Variants in EFCAB8 observed in about 807,000 individuals in gnomAD.
EFCAB8 encodes EF-hand calcium binding domain 8.
Under a neutral mutation model 116.3 loss-of-function variants are expected in EFCAB8, and 100 were observed. That is an observed-to-expected ratio of 0.86 (90% CI 0.73 to 1.02). EFCAB8 has a LOEUF of 1.02. EFCAB8 is among the 50% of genes least tolerant of loss of function. The pLI, the probability that EFCAB8 is intolerant of heterozygous loss-of-function variation, is 0.00. For missense variants in EFCAB8, 1,320 were observed against 1,416.9 expected (o/e 0.93, Z 1.10); for synonymous variants, 558 against 567.9 (o/e 0.98, Z 0.25).
At chr20:32,879,307 C>T (rs1309629208) in intron 5 of EFCAB8, among the ~76,000 whole-genome samples, 2 of 152,172 alleles carry the variant, frequency 1.3e-5, no homozygotes, top group African/African-American at 2.4e-5. Context: ...TGGCTGGCCC[C>T]GGGAGTAGGT....
In EFCAB8 at chr20:32,881,045, A is replaced by G. The variant is rs1985309856; in HGVS notation, c.431+2238A>G. Among the ~76,000 whole-genome samples the G allele has an allele frequency of 2.0e-5, 3 of 152,168 alleles. 1 individual carries two copies. The East Asian group carries it at 5.8e-4, about 29-fold the overall frequency. ...TAGTCATTAATAATTCATCCCATCC[A>G]TCATAGTATATGAATGTCTCCCAGG... On this transcript the variant is annotated intron_variant, in intron 5 of 26. Transcript: ENST00000400522.
chr20:32,887,530 G>A (rs1174846297), intron 6 of EFCAB8, among the ~76,000 whole-genome samples: 4 of 152,180 alleles, frequency 2.6e-5, no homozygotes, highest in East Asian at 1.9e-4. Flanking sequence ...AGCCGAGATC[G>A]CACCACTGTG....
intron 3 of EFCAB8, 29 bp from the exon 4 acceptor site, chr20:32,875,897 G>T (rs1401359649): frequency 6.5e-7 from 1 of 1,543,212 alleles, no homozygotes; most frequent in South Asian, 1.2e-5. Flanking sequence ...GTGAGGAAGG[G>T]GATGATGCTC....
Position 32,960,256 on chromosome 20 carries a change from C to T in EFCAB8, c.3393+95C>T, listed in dbSNP as rs1989106940. ...CCACCCTTGTGCCCACACAGCCCTT[C>T]AGTGAGGGTGGACAGGAGCCTTTGT... On this transcript the variant is annotated intron_variant, in intron 26 of 26. Transcript: ENST00000400522. The T allele has an allele frequency of 1.5e-5, 17 of 1,150,654 alleles. No individual in the cohort carries two copies. In the South Asian group the frequency reaches 2.4e-4, roughly 16 times the overall value. 71.3% of individuals were successfully genotyped at this position (1,150,654 alleles called of 1,614,324 possible).
chr20:32,947,099 T>A (rs1250111154), intron 23 of EFCAB8, among the ~76,000 whole-genome samples: 1 of 152,224 alleles, frequency 6.6e-6, no homozygotes, highest in Non-Finnish European at 1.5e-5. Flanking sequence ...TAAACATTGT[T>A]TTCATTTCTG....
intron 14 of EFCAB8, among the ~76,000 whole-genome samples, chr20:32,909,098 G>A (rs1009309315): frequency 1.3e-4 from 20 of 152,212 alleles, no homozygotes; most frequent in Admixed American, 1.2e-3. Flanking sequence ...GGGGCCGCTC[G>A]TGCTTGAGCT....
intron 2 of EFCAB8, among the ~76,000 whole-genome samples, chr20:32,866,402 T>C (rs1315885281): frequency 1.3e-5 from 2 of 152,102 alleles, no homozygotes; most frequent in African/African-American, 2.4e-5. Context: ...TTAGAGTCTT[T>C]TAGGGAAGGC....
chr20:32,943,054 A>G (rs1396523921), intron 22 of EFCAB8, among the ~76,000 whole-genome samples: 1 of 152,192 alleles, frequency 6.6e-6, no homozygotes, highest in Non-Finnish European at 1.5e-5. Context: ...TTATTTAAAA[A>G]TGGTCATTTT....
At chr20:32,866,255 T>A (rs559738208) in intron 2 of EFCAB8, among the ~76,000 whole-genome samples, 7 of 152,222 alleles carry the variant, frequency 4.6e-5, no homozygotes, top group African/African-American at 1.4e-4. Context: ...TGGGGCTAAG[T>A]GGGGGAGAGT....
At chr20:32,863,944 G>T in intron 2 of EFCAB8, 110 bp downstream of exon 2, 1 of 1,245,000 alleles carries the variant, frequency 8.0e-7, no homozygotes, top group Non-Finnish European at 1.1e-6. Context: ...GGAGGGGGTT[G>T]CATACTCAGA....
At chr20:32,878,126 A>G (rs6141836) in intron 4 of EFCAB8, among the ~76,000 whole-genome samples, 33,591 of 151,948 alleles carry the variant, frequency 0.22, 4,311 homozygotes, top group East Asian at 0.35. Context: ...ATTAGCTGGG[A>G]ATTGTGGCAT....
At chr20:32,862,491 T>C (rs1984163947) in intron 1 of EFCAB8, among the ~76,000 whole-genome samples, 1 of 152,200 alleles carries the variant, frequency 6.6e-6, no homozygotes, top group African/African-American at 2.4e-5. Flanking sequence ...AGCTTGCTTC[T>C]TGGCTTCCAA....
chr20:32,865,523 C>T (rs1984345035), intron 2 of EFCAB8, among the ~76,000 whole-genome samples: 1 of 151,984 alleles, frequency 6.6e-6, no homozygotes, highest in Admixed American at 6.6e-5. Flanking sequence ...AGAAGCCAGG[C>T]GCAGTGGCCC....
intron 19 of EFCAB8, among the ~76,000 whole-genome samples, chr20:32,919,570 C>T (rs1840120432): frequency 6.6e-6 from 1 of 152,158 alleles, no homozygotes; most frequent in South Asian, 2.1e-4. Context: ...GGTCTTCGCT[C>T]AGTGCAACCT....
intron 22 of EFCAB8, among the ~76,000 whole-genome samples, chr20:32,932,337 G>T (rs568074195): frequency 6.6e-6 from 1 of 151,176 alleles, no homozygotes; most frequent in Middle Eastern, 3.2e-3. Flanking sequence ...AGATTGCTCC[G>T]TTGCCCTCCA....
At chr20:32,901,676 T>C (rs1337809007) in intron 11 of EFCAB8, among the ~76,000 whole-genome samples, 1 of 152,238 alleles carries the variant, frequency 6.6e-6, no homozygotes, top group Non-Finnish European at 1.5e-5. Context: ...GCTCTTGTTA[T>C]TGATTGACTG....
rs372927011 is a variant in EFCAB8 at position 32,871,320 on chromosome 20, G to A, written c.208+3573G>A. Among the ~76,000 whole-genome samples the A allele has an allele frequency of 2.4e-3, 365 of 151,102 alleles. 7 individuals carry two copies. The South Asian group carries it at 0.033, about 14-fold the overall frequency. On this transcript the variant is annotated intron_variant, in intron 3 of 26. Transcript: ENST00000400522. ...ATAGGGTTTTCCTGTGTAGCCCAGG[G>A]TGGAGTGCAGTGGTGTGATGATAGT...
At chr20:32,900,046 G>T (rs961703286) in intron 11 of EFCAB8, among the ~76,000 whole-genome samples, 1 of 152,122 alleles carries the variant, frequency 6.6e-6, no homozygotes, top group Non-Finnish European at 1.5e-5. Flanking sequence ...CTTCTGCACA[G>T]GCTGAAGATT....
intron 3 of EFCAB8, among the ~76,000 whole-genome samples, chr20:32,872,610 A>G (rs1265468065): frequency 1.3e-5 from 2 of 152,108 alleles, no homozygotes; most frequent in Non-Finnish European, 2.9e-5. Flanking sequence ...CCTGGCCAAC[A>G]TGGTGAAACC....
Sources: allele counts gnomAD v4.1 joint callset (sites outside exome capture counted in the v4.1 genomes callset), GRCh38; gene constraint gnomAD v4.1.1; transcripts MANE v1.5; gene names NCBI Gene and HGNC (gene_info 2026-07-23, HGNC 2026-07-21).